SFI1: variants seen among roughly 807,000 people sequenced by gnomAD.
The protein encoded by SFI1 is protein SFI1 homolog.
SFI1 carries 195 observed loss-of-function variants against 207.5 expected under a neutral mutation model. The ratio of observed to expected loss-of-function variants is 0.94; its 90% confidence interval spans 0.84 to 1.06. SFI1 has a LOEUF of 1.06. SFI1 is among the 50% of genes least tolerant of loss of function. The probability of loss-of-function intolerance (pLI) is 0.00; values close to 1 mark genes in which losing one functional copy is unlikely to be tolerated. For synonymous variants in SFI1, 630 were observed against 598.9 expected, an observed-to-expected ratio of 1.05 and a Z score of -0.76; for missense variants, 1,634 against 1,588.0, an observed-to-expected ratio of 1.03 and a Z score of -0.49.
At chr22:31,579,418 C>T (rs1038856018) in intron 11 of SFI1, among the ~76,000 whole-genome samples, 1 of 151,938 alleles carries the variant, frequency 6.6e-6, no homozygotes, top group South Asian at 2.1e-4. Context: ...GGGGTTCACG[C>T]CATTCTCCTG....
intron 6 of SFI1, among the ~76,000 whole-genome samples, chr22:31,553,806 G>A (rs1420596166): frequency 2.8e-5 from 3 of 107,714 alleles, no homozygotes; most frequent in Non-Finnish European, 5.9e-5. Flanking sequence ...TAATTTTGAT[G>A]AAGTCCATTC....
intron 15 of SFI1, among the ~76,000 whole-genome samples, chr22:31,597,699 A>G (rs548065214): frequency 8.5e-5 from 13 of 152,338 alleles, no homozygotes; most frequent in African/African-American, 3.1e-4. Flanking sequence ...TGTGACTCTC[A>G]TGGTAAGTAC....
chr22:31,508,237 A>G lies in SFI1; in HGVS notation c.-30-18A>G, dbSNP rs370068836. 6 of 1,390,578 alleles carry G rather than the reference A, an allele frequency of 4.3e-6. No homozygotes were observed. Among genetic ancestry groups the G allele is most frequent in the Non-Finnish European group, 6.1e-6 (6 of 977,556 alleles). The allele number at this position is 1,390,578 out of a possible 1,614,324, so 86.1% of individuals were successfully genotyped here. A position where few individuals can be genotyped will look rare whatever the true frequency, so the allele number is the denominator to read the frequency against. On this transcript the variant is annotated intron_variant, in intron 1 of 32. Coordinates refer to ENST00000400288, the MANE Select transcript of SFI1 (RefSeq NM_001007467.3). ...CTGCAAATCATTTTCTCTCTTTTTT[A>G]TTCTCTTTTTCTTGTAGTTAGAAGG...
chr22:31,524,023 G>A (rs1250533404), intron 2 of SFI1, among the ~76,000 whole-genome samples: 3 of 148,486 alleles, frequency 2.0e-5, no homozygotes, highest in African/African-American at 5.0e-5. Context: ...CCAATATGGT[G>A]AAACCCTGTG....
chr22:31,582,205 T>TATATATATATATATA (rs1259111660), intron 12 of SFI1, among the ~76,000 whole-genome samples: 132 of 9,974 alleles, frequency 0.013, 7 homozygotes, highest in African/African-American at 0.036. Flanking sequence ...TTTATTACAT[T>TATATATATATATATA]TTATATATAT....
At chr22:31,613,985 G>A in intron 27 of SFI1, 130 bp downstream of exon 27, 2 of 1,254,136 alleles carry the variant, frequency 1.6e-6, no homozygotes, top group East Asian at 2.6e-5. Context: ...TGAGCTGCTG[G>A]GAACCCCCTC....
intron 5 of SFI1, among the ~76,000 whole-genome samples, chr22:31,547,217 G>T (rs2060173185): frequency 6.6e-6 from 1 of 151,992 alleles, no homozygotes; most frequent in South Asian, 2.1e-4. Context: ...ATTATGTATT[G>T]GTTATGCTAA....
rs149252817 is a variant in SFI1 at position 31,589,824 on chromosome 22, A to T, written c.1544+247A>T. On this transcript the variant is annotated intron_variant, in intron 15 of 32. Coordinates refer to ENST00000400288, the MANE Select transcript of SFI1 (RefSeq NM_001007467.3). ...GTGTGTGTGTATATATGTATTTATTAAAAAAAATGTGTAGTGTTTAATCTG... is the reference window on the plus strand; with the variant it reads ...GTGTGTGTGTATATATGTATTTATTTAAAAAAATGTGTAGTGTTTAATCTG... Among the ~76,000 whole-genome samples, 1,151 of 151,046 alleles carry T rather than the reference A, an allele frequency of 7.6e-3. 7 individuals are homozygous for T. The highest frequency in any genetic ancestry group is 0.021 in the African/African-American group (847 of 40,532).
chr22:31,581,967 T>C (rs1459723511), intron 12 of SFI1, among the ~76,000 whole-genome samples: 1 of 151,686 alleles, frequency 6.6e-6, no homozygotes, highest in Non-Finnish European at 1.5e-5. Context: ...TTATCATCCC[T>C]AAGAAAAGTA....
Position 31,499,902 on chromosome 22 carries a change from C to T in SFI1, c.-31+3265C>T, listed in dbSNP as rs528122088. On this transcript the variant is annotated intron_variant, in intron 1 of 32. Transcript: ENST00000400288. ...ACTCCAGAGGCTGAGGCAGGAGAATCGCTTGAACCCAGGAGGCGGAGGTTG... is the reference window on the plus strand; with the variant it reads ...ACTCCAGAGGCTGAGGCAGGAGAATTGCTTGAACCCAGGAGGCGGAGGTTG... Among the ~76,000 whole-genome samples, 8 of 150,386 alleles carry T rather than the reference C, an allele frequency of 5.3e-5. No individual in the cohort carries two copies. In the East Asian group the frequency reaches 1.2e-3, roughly 22 times the overall value.
At chr22:31,534,032 G>A (rs897895276) in intron 4 of SFI1, among the ~76,000 whole-genome samples, 2 of 152,098 alleles carry the variant, frequency 1.3e-5, no homozygotes, top group African/African-American at 4.8e-5. Context: ...TCCTAGATAA[G>A]ACAGAGTCCT....
In SFI1 at chr22:31,550,610, C is replaced by T. The variant is rs568550112; in HGVS notation, c.544+262C>T. The T allele has an allele frequency of 9.6e-4, 346 of 360,992 alleles. 4 individuals are homozygous for T. In the South Asian group the frequency reaches 0.013, roughly 13 times the overall value. The allele number at this position is 360,992 out of a possible 1,614,324, so 22.4% of individuals were successfully genotyped here. ...TTTGTGTGAACTGGCTGTTCCTGGC[C>T]TGCTGGTTCAGTGGGCTGGCTGTGA... On this transcript the variant is annotated intron_variant, in intron 6 of 32. Transcript: ENST00000400288.
At chr22:31,565,318 C>G (rs763220253) in intron 8 of SFI1, among the ~76,000 whole-genome samples, 1 of 151,886 alleles carries the variant, frequency 6.6e-6, no homozygotes, top group Non-Finnish European at 1.5e-5. Context: ...TCCTGTAGTC[C>G]CATCTACTCG....
At chr22:31,529,351 C>T (rs1267839566) in intron 3 of SFI1, among the ~76,000 whole-genome samples, 1 of 151,938 alleles carries the variant, frequency 6.6e-6, no homozygotes, top group Admixed American at 6.6e-5. Context: ...AGTTTGAGAC[C>T]CCGTCTCCAC....
At chr22:31,616,438 G>T in intron 29 of SFI1, 1 of 331,636 alleles carries the variant, frequency 3.0e-6, no homozygotes, top group African/African-American at 2.1e-5. Context: ...AGCAGGTGGG[G>T]GTGGAGGGTT....
Position 31,589,549 on chromosome 22 carries a change from C to T in SFI1, c.1516C>T (p.Leu506Phe). Residue 506 changes from leucine to phenylalanine, a missense_variant, in exon 15 of 33, where the codon CTC (leucine) becomes TTC (phenylalanine). Leu to Phe is a conservative substitution (Grantham distance 22). Transcript: ENST00000400288. ...LWRWRHQENVLSARATRFHRE... is the reference protein window; with the variant it reads ...LWRWRHQENVFSARATRFHRE... ...GCGATGGCGCCACCAGGAAAATGTC[C>T]TCAGTGCAAGAGCAACACGTTTCCA... The T allele has an allele frequency of 6.2e-7, 1 of 1,614,052 alleles. No homozygotes were observed. The highest frequency in any genetic ancestry group is 1.1e-5 in the South Asian group (1 of 91,034).
At chr22:31,599,941 T>A (rs960774221) in intron 15 of SFI1, among the ~76,000 whole-genome samples, 2 of 152,090 alleles carry the variant, frequency 1.3e-5, no homozygotes, top group Non-Finnish European at 2.9e-5. Flanking sequence ...CAGGCTGGTC[T>A]TGAACTTCTG....
chr22:31,613,036 C>G (rs1333470587), intron 24 of SFI1, 106 bp from the exon 25 acceptor site: 12 of 1,237,642 alleles, frequency 9.7e-6, no homozygotes, highest in African/African-American at 6.0e-5. Flanking sequence ...AAGTGGGAGC[C>G]TCGACTAGAG....
rs568652022 is a variant in SFI1 at position 31,570,672 on chromosome 22, C to T, written c.766-2386C>T. ...ATCCCAACACTTTGGGACGCTGAGGCGGGAGGATTGCTTGAGCCCAAGAGT... is the reference window on the plus strand; with the variant it reads ...ATCCCAACACTTTGGGACGCTGAGGTGGGAGGATTGCTTGAGCCCAAGAGT... On this transcript the variant is annotated intron_variant, in intron 8 of 32. Coordinates refer to ENST00000400288, the MANE Select transcript of SFI1 (RefSeq NM_001007467.3). 8.6e-5 allele frequency among the ~76,000 whole-genome samples: 13 copies of T among 151,994 alleles called. No individual in the cohort carries two copies. The South Asian group carries it at 1.7e-3, about 19-fold the overall frequency.
Sources: allele counts gnomAD v4.1 joint callset (sites outside exome capture counted in the v4.1 genomes callset), GRCh38; gene constraint gnomAD v4.1.1; transcripts MANE v1.5; gene names NCBI Gene and HGNC (gene_info 2026-07-23, HGNC 2026-07-21).